PAK4: variants seen among roughly 807,000 people sequenced by gnomAD.
PAK4 encodes the protein serine/threonine-protein kinase PAK 4.
PAK4 carries 49 observed loss-of-function variants against 53.5 expected under a neutral mutation model. The ratio of observed to expected loss-of-function variants is 0.92; its 90% CI spans 0.73 to 1.16. The LOEUF (loss-of-function observed/expected upper bound fraction) is 1.16. Among genes scored for constraint, PAK4 ranks in the 50% most tolerant of loss-of-function variants. PAK4 has a pLI of 0.00. For synonymous variants in PAK4, 376 were observed against 375.6 expected (o/e 1.00, Z -0.01); for missense variants, 824 against 850.7 (o/e 0.97, Z 0.39).
rs1182917940 is a variant in PAK4, at chr19:39,175,381, G to C, written c.1302G>C (p.Gln434His). The change falls in exon 6 of 9, where the codon CAG becomes CAC. Residue 434 changes from glutamine to histidine, a missense_variant. This residue lies in a region of PAK4 where 346 missense variants were observed against 415.0 expected (regional missense o/e 0.83). Transcript: ENST00000358301. The surrounding 1 kb of genome is among the most constrained non-coding windows in gnomAD (Gnocchi z 4.7). ...AGGCCCTGTCGGTGCTCCACGCCCA[G>C]GGCGTCATCCACCGGGACATCAAGA... 1 of 1,610,740 alleles carries C rather than the reference G, an allele frequency of 6.2e-7. No homozygotes were observed.
Position 39,173,718 on chromosome 19 carries a change from C to T in PAK4, c.806C>T (p.Pro269Leu), listed in dbSNP as rs747955491. ...GTGCTGGGACCCCACGCCTCAGAGC[C>T]CCAGCTGGCCCCTCCAGCCTGCACC... is the stretch of plus-strand genomic sequence containing the variant. Residue 269 changes from proline to leucine, a missense_variant, in exon 4 of 9, where the codon CCC becomes CTC. By Grantham distance (98) the Pro-to-Leu change is moderately conservative. Around this residue, in one of 2 missense-constraint regions of PAK4, gnomAD observed 478 missense variants for 435.8 expected, o/e 1.10. Transcript: ENST00000358301. The surrounding 1 kb of genome is among the most constrained non-coding windows in gnomAD (Gnocchi z 6.9). 7 of 1,577,144 alleles carry T rather than the reference C, an allele frequency of 4.4e-6. No individual in the cohort carries two copies. The highest frequency in any genetic ancestry group is 6.0e-6 in the Non-Finnish European group (7 of 1,164,312).
intron 2 of PAK4, among the ~76,000 whole-genome samples, chr19:39,171,334 G>A (rs776282697): frequency 1.3e-5 from 2 of 150,996 alleles, no homozygotes; most frequent in Non-Finnish European, 2.9e-5. Flanking sequence ...TCAGCCTCCC[G>A]CGTAGCTGGG....
At chr19:39,160,260 C>G (rs1224324264) in intron 1 of PAK4, among the ~76,000 whole-genome samples, 1 of 152,258 alleles carries the variant, frequency 6.6e-6, no homozygotes, top group East Asian at 1.9e-4. Context: ...TCCTCAGGGA[C>G]CAGGCTCATT....
intron 1 of PAK4, among the ~76,000 whole-genome samples, chr19:39,166,500 A>G (rs574163726): frequency 6.6e-6 from 1 of 152,352 alleles, no homozygotes; most frequent in South Asian, 2.1e-4. Context: ...CTTTGAACAG[A>G]GGAGGAAACT....
chr19:39,151,576 G>T (rs958342131), intron 1 of PAK4, among the ~76,000 whole-genome samples: 2 of 152,226 alleles, frequency 1.3e-5, no homozygotes, highest in Admixed American at 6.5e-5. Flanking sequence ...ACTCTGGCCC[G>T]ATGGGGACTG....
At chr19:39,171,032 C>CCCTGCCTGGCTTGCCAGATGTGAGG (rs1568524481) in intron 2 of PAK4, among the ~76,000 whole-genome samples, 3 of 152,234 alleles carry the variant, frequency 2.0e-5, no homozygotes, top group Non-Finnish European at 4.4e-5. Context: ...AAAACCCAGC[C>CCCTGCCTGGCTTGCCAGATGTGAGG]CCTGCCTGGC....
chr19:39,129,532 G>A (rs573921387), intron 1 of PAK4, among the ~76,000 whole-genome samples: 12 of 152,242 alleles, frequency 7.9e-5, no homozygotes, highest in African/African-American at 2.4e-4. Context: ...AGCAGGCTCC[G>A]GGGCTCCCTT....
intron 1 of PAK4, among the ~76,000 whole-genome samples, chr19:39,147,351 G>A (rs952131686): frequency 2.0e-5 from 3 of 152,236 alleles, no homozygotes; most frequent in Non-Finnish European, 4.4e-5. Context: ...TGACTACTGA[G>A]TAGTATTCCG....
exon 5 of PAK4, chr19:39,174,952 C>G (rs958773706): frequency 6.2e-7 from 1 of 1,613,806 alleles, no homozygotes; most frequent in Non-Finnish European, 8.5e-7. Flanking sequence ...GAGGGACTAC[C>G]AGCACGAGAA....
At chr19:39,177,438 C>T (rs2074628316) in intron 7 of PAK4, among the ~76,000 whole-genome samples, 1 of 152,106 alleles carries the variant, frequency 6.6e-6, no homozygotes, top group Non-Finnish European at 1.5e-5. Flanking sequence ...AGGGAGGACA[C>T]CTGGGGGCAG....
intron 1 of PAK4, among the ~76,000 whole-genome samples, chr19:39,133,707 C>T (rs1328546590): frequency 1.3e-5 from 2 of 152,208 alleles, no homozygotes; most frequent in African/African-American, 4.8e-5. Context: ...GGGTCCTCAC[C>T]TAGAGAGCTC....
At chr19:39,171,585 A>G (rs968045880) in intron 2 of PAK4, among the ~76,000 whole-genome samples, 16 of 152,240 alleles carry the variant, frequency 1.1e-4, no homozygotes, top group African/African-American at 3.6e-4. Context: ...GGCTTCAGGC[A>G]GACAGCCACG....
chr19:39,160,641 C>T (rs907385568), intron 1 of PAK4, among the ~76,000 whole-genome samples: 1 of 152,206 alleles, frequency 6.6e-6, no homozygotes, highest in Non-Finnish European at 1.5e-5. Context: ...TACACGGAGG[C>T]AGCCAGCGCG....
intron 1 of PAK4, chr19:39,136,465 T>G (rs2073816980): frequency 6.6e-6 from 1 of 152,170 alleles, no homozygotes; most frequent in African/African-American, 2.4e-5. Context: ...GGCAGCACCC[T>G]CCTTCCTTCT....
chr19:39,178,406 T>C lies in PAK4; in HGVS notation c.1621-18T>C. On this transcript the variant is annotated intron_variant, in intron 8 of 8. Transcript: ENST00000358301. The surrounding 1 kb of genome is among the most constrained non-coding windows in gnomAD (Gnocchi z 4.4). ...AGTGGGGAGCCTCGCCCCCTGACCC[T>C]CCCCTCCTTCTCGACAGGTGTCGCC... 6.4e-7 allele frequency: 1 copy of C among 1,569,006 alleles called. No homozygotes were observed. The highest frequency in any genetic ancestry group is 8.6e-7 in the Non-Finnish European group (1 of 1,158,028).
chr19:39,169,733 C>T (rs756335405), exon 2 of PAK4: 2 of 1,606,870 alleles, frequency 1.2e-6, no homozygotes, highest in East Asian at 4.5e-5. Context: ...CCTGCATCAC[C>T]TCCATCCAGC....
chr19:39,134,150 C>G (rs4803208), intron 1 of PAK4, among the ~76,000 whole-genome samples: 88,940 of 152,168 alleles, frequency 0.58, 26,388 homozygotes, highest in East Asian at 0.75. Flanking sequence ...ATTTGACTCT[C>G]AAATGCTATA....
At chr19:39,166,558 C>T (rs2074379744) in intron 1 of PAK4, among the ~76,000 whole-genome samples, 1 of 152,218 alleles carries the variant, frequency 6.6e-6, no homozygotes, top group African/African-American at 2.4e-5. Flanking sequence ...ATATTGAGGT[C>T]CCCAGGTTGG....
intron 1 of PAK4, among the ~76,000 whole-genome samples, chr19:39,142,108 C>CT (rs1361273665): frequency 6.6e-6 from 1 of 152,216 alleles, no homozygotes; most frequent in Non-Finnish European, 1.5e-5. Context: ...TCCTGAATAG[C>CT]TGGGACCACA....
Sources: allele counts gnomAD v4.1 joint callset (sites outside exome capture counted in the v4.1 genomes callset), GRCh38; gene constraint gnomAD v4.1.1; regional missense constraint gnomAD v4.1.1; non-coding constraint Gnocchi (gnomAD v3.1); transcripts MANE v1.5; gene names NCBI Gene and HGNC (gene_info 2026-07-23, HGNC 2026-07-21).